NCAPH2: variants seen among roughly 807,000 people sequenced by gnomAD.
NCAPH2 encodes condensin-2 complex subunit H2.
A neutral mutation model predicts 88.6 loss-of-function variants in NCAPH2; 56 were observed. That is an observed-to-expected ratio of 0.63 (90% CI 0.51 to 0.79). The LOEUF (loss-of-function observed/expected upper bound fraction) is 0.79. Ranked by LOEUF, NCAPH2 falls within the 30% of genes least tolerant of loss-of-function variation. The pLI is 0.00. For synonymous variants in NCAPH2, 378 were observed against 313.6 expected (o/e 1.21, Z -2.17); for missense variants, 794 against 792.0 (o/e 1.00, Z -0.03).
Position 50,522,369 on chromosome 22 carries a change from A to G in NCAPH2, c.1260A>G (p.Ala420=). The G allele has an allele frequency of 1.2e-6, 2 of 1,607,854 alleles. No homozygotes were observed. The highest frequency in any genetic ancestry group is 1.7e-6 in the Non-Finnish European group (2 of 1,176,526). ...REVAEQWLRP[A]EEDHLEDSLE... is the part of the protein sequence containing the mutation. Reference sequence around the variant, plus strand: ...TGGCTGAGCAGTGGCTGCGGCCTGCAGAGGAGGACCACCTGGAGGATTCCC... The same window carrying G: ...TGGCTGAGCAGTGGCTGCGGCCTGCGGAGGAGGACCACCTGGAGGATTCCC... Residue 420 remains alanine, a synonymous_variant, in exon 15 of 20, where the codon GCA becomes GCG. Coordinates refer to ENST00000420993, the MANE Select transcript of NCAPH2 (RefSeq NM_152299.4).
intron 1 of NCAPH2, among the ~76,000 whole-genome samples, chr22:50,511,781 G>T (rs2068790907): frequency 6.6e-6 from 1 of 151,286 alleles, no homozygotes; most frequent in South Asian, 2.1e-4. Context: ...CAGTAGCTGG[G>T]ATTACAGGCG....
intron 7 of NCAPH2, 136 bp downstream of exon 7, chr22:50,518,414 G>T: frequency 7.5e-7 from 1 of 1,325,930 alleles, no homozygotes; most frequent in South Asian, 1.5e-5. Flanking sequence ...AGTCTAGACA[G>T]GTTGGCTGGT....
intron 9 of NCAPH2, 124 bp downstream of exon 9, chr22:50,519,444 C>A (rs889910918): frequency 2.0e-6 from 3 of 1,465,846 alleles, no homozygotes; most frequent in Non-Finnish European, 2.7e-6. Flanking sequence ...TGGTCTGGGG[C>A]AGAAGCCCAC....
intron 1 of NCAPH2, among the ~76,000 whole-genome samples, chr22:50,509,912 C>T (rs2068739305): frequency 6.6e-6 from 1 of 152,044 alleles, no homozygotes; most frequent in Non-Finnish European, 1.5e-5. Context: ...ACTTGGGAAT[C>T]TTCTTTTTTG....
intron 18 of NCAPH2, 40 bp downstream of exon 18, chr22:50,522,962 G>A: frequency 6.2e-7 from 1 of 1,611,928 alleles, no homozygotes; most frequent in African/African-American, 1.3e-5. Context: ...GTGTGCCACG[G>A]GTCTGTCCAG....
chr22:50,523,043 C>T lies in NCAPH2; in HGVS notation c.1554C>T (p.His518=). The change falls in exon 19 of 20, where the codon CAC becomes CAT. Residue 518 remains histidine (H), a synonymous_variant. Coordinates refer to ENST00000420993, the MANE Select transcript of NCAPH2 (RefSeq NM_152299.4). ...EQEQHVPFDI[H]TYGDQLVSRF... The stretch of plus-strand genomic sequence containing the variant: ...AGCAGCATGTGCCCTTTGACATCCA[C>T]ACCTATGGGGACCAGCTGGTCTCAC... The T allele has an allele frequency of 1.9e-6, 3 of 1,603,414 alleles. No individual in the cohort carries two copies. Among genetic ancestry groups the T allele is most frequent in the Non-Finnish European group, 2.6e-6 (3 of 1,173,206 alleles).
chr22:50,517,513 C>T (rs2068957842), intron 3 of NCAPH2, 31 bp downstream of exon 3: 2 of 1,613,910 alleles, frequency 1.2e-6, no homozygotes, highest in Non-Finnish European at 8.5e-7. Context: ...CTGTGCTGCC[C>T]TGCATGTGGC....
At chr22:50,508,682 C>T (rs1353896212) in intron 1 of NCAPH2, among the ~76,000 whole-genome samples, 1 of 152,192 alleles carries the variant, frequency 6.6e-6, no homozygotes, top group Admixed American at 6.5e-5. Flanking sequence ...GTCAGCGAGC[C>T]GTGAATGATT....
Position 50,518,512 on chromosome 22 carries a change from T to TG in NCAPH2, c.647-137_647-136insG. 6 of 1,058,678 alleles carry TG rather than the reference T, an allele frequency of 5.7e-6. No homozygotes were observed. The East Asian group carries it at 1.6e-4, about 28-fold the overall frequency. The allele number at this position is 1,058,678 out of a possible 1,614,324, so 65.6% of individuals were successfully genotyped here. A position where few individuals can be genotyped will look rare whatever the true frequency, so the allele number is the denominator to read the frequency against. ...TGGTGCCTGGCTCAGGGCCCTGCTGTCTCCCCCCAGCCCAAGGCCTGGAGT... is the reference window on the plus strand; with the variant it reads ...TGGTGCCTGGCTCAGGGCCCTGCTGTGCTCCCCCCAGCCCAAGGCCTGGAGT... On this transcript the variant is annotated intron_variant, in intron 7 of 19. Transcript: ENST00000420993.
At position 50,523,326 on chromosome 22, in the gene NCAPH2, C is replaced by A; in HGVS notation, c.1769C>A (p.Ala590Glu). The part of the protein sequence containing the change: ...MSLRLLTHQR[A>E]HKRFQTYAAP... ...CTGAGACTGCTCACGCACCAGCGAG[C>A]GCACAAGCGCTTCCAGACCTACGCT... Residue 590 changes from alanine (A) to glutamate (E), a missense_variant, in exon 20 of 20, where the codon GCG (alanine) becomes GAG (glutamate). Around this residue, in one of 2 missense-constraint regions of NCAPH2, gnomAD observed 735 missense variants for 696.3 expected, o/e 1.06. Transcript: ENST00000420993. 1 of 1,577,180 alleles carries A rather than the reference C, an allele frequency of 6.3e-7. No homozygotes were observed. Among genetic ancestry groups the A allele is most frequent in the Non-Finnish European group, 8.6e-7 (1 of 1,161,704 alleles).
intron 12 of NCAPH2, 64 bp from the exon 13 acceptor site, chr22:50,521,922 C>T: frequency 6.2e-7 from 1 of 1,613,360 alleles, no homozygotes. Context: ...GGAGGATCAG[C>T]ACCCTTTTCC....
Position 50,520,953 on chromosome 22 carries a change from C to T in NCAPH2, c.862-12C>T. 1 of 1,550,754 alleles carries T rather than the reference C, an allele frequency of 6.4e-7. No homozygotes were observed. The highest frequency in any genetic ancestry group is 8.7e-7 in the Non-Finnish European group (1 of 1,146,834). The stretch of plus-strand genomic sequence containing the variant: ...AAGAGGAGAAGTGGGGACCCTGTGA[C>T]TGTCTTTGCAGAGTGCTGCCCTGCC... On this transcript the variant is annotated splice_polypyrimidine_tract_variant and intron_variant, in intron 9 of 19. Transcript: ENST00000420993.
At chr22:50,509,458 G>A (rs1393936610) in intron 1 of NCAPH2, among the ~76,000 whole-genome samples, 1 of 152,168 alleles carries the variant, frequency 6.6e-6, no homozygotes, top group Non-Finnish European at 1.5e-5. Flanking sequence ...AAAGCTAAAT[G>A]TGGCTATAGT....
In NCAPH2 at chr22:50,523,600, A is replaced by G. The variant is rs778774488; in HGVS notation, c.*225A>G. 6.2e-7 allele frequency: 1 copy of G among 1,612,672 alleles called. No individual in the cohort carries two copies. The highest frequency in any genetic ancestry group is 1.1e-5 in the South Asian group (1 of 91,040). On this transcript the variant is annotated 3_prime_UTR_variant, in exon 20 of 20. Transcript: ENST00000420993. Reference sequence around the variant, plus strand: ...CAGCCCGTTTAATGATGGGGCCCAGACTGCAGTGGCTCAAGACAGGACACT... The same window carrying G: ...CAGCCCGTTTAATGATGGGGCCCAGGCTGCAGTGGCTCAAGACAGGACACT...
chr22:50,512,510 A>G (rs1603440496), intron 1 of NCAPH2, among the ~76,000 whole-genome samples: 1 of 141,132 alleles, frequency 7.1e-6, no homozygotes, highest in Non-Finnish European at 1.6e-5. Context: ...TCCACACACT[A>G]CCATGATGTT....
At chr22:50,522,313 G>T (rs771171249) in intron 14 of NCAPH2, 30 bp from the exon 15 acceptor site, 3 of 1,604,608 alleles carry the variant, frequency 1.9e-6, no homozygotes, top group Non-Finnish European at 2.6e-6. Context: ...GGAGGTGACA[G>T]TGCCCCTCAC....
At position 50,524,255 on chromosome 22, in the gene NCAPH2, G is replaced by A. The variant is rs74315510; in HGVS notation, c.*880G>A. On this transcript the variant is annotated 3_prime_UTR_variant, in exon 20 of 20. Transcript: ENST00000420993. ...AGCCGGGTTCGAAGCCCAGGGCCCT[G>A]GGGCTGGCCCTGCCCACCTGTCTCT... 4.0e-5 allele frequency: 65 copies of A among 1,605,268 alleles called. No individual in the cohort carries two copies. The highest frequency in any genetic ancestry group is 1.7e-5 in the Admixed American group (1 of 59,992).
intron 1 of NCAPH2, among the ~76,000 whole-genome samples, chr22:50,514,106 C>CAAACA (rs568739989): frequency 0.037 from 5,607 of 152,132 alleles, 132 homozygotes; most frequent in Non-Finnish European, 0.05. Context: ...GACTCCGTCT[C>CAAACA]AAACAAAACA....
At chr22:50,519,877 T>C (rs2069037340) in intron 9 of NCAPH2, 1 of 674,964 alleles carries the variant, frequency 1.5e-6, no homozygotes, top group South Asian at 6.6e-5. Flanking sequence ...TTGTGTTTTC[T>C]GTTTGTTTTT....
Sources: allele counts gnomAD v4.1 joint callset (sites outside exome capture counted in the v4.1 genomes callset), GRCh38; gene constraint gnomAD v4.1.1; regional missense constraint gnomAD v4.1.1; transcripts MANE v1.5; gene names NCBI Gene and HGNC (gene_info 2026-07-23, HGNC 2026-07-21).